Variants in LEKR1 observed in about 807,000 individuals in gnomAD.
LEKR1 encodes protein LEKR1.
LEKR1 carries 59 observed loss-of-function variants against 72.4 expected under a neutral mutation model. The ratio of observed to expected loss-of-function variants is 0.82; its 90% confidence interval spans 0.66 to 1.01. The LOEUF (loss-of-function observed/expected upper bound fraction) is 1.01, where lower values mean the gene tolerates loss of function less well. Among genes scored for constraint, LEKR1 ranks in the 50% least tolerant of loss-of-function variants. LEKR1 has a pLI of 0.00. For missense variants in LEKR1, 728 were observed against 759.2 expected (o/e 0.96, Z 0.48); for synonymous variants, 257 against 263.2 (o/e 0.98, Z 0.23).
At chr3:157,030,791 A>G (rs1734549345) in intron 12 of LEKR1, among the ~76,000 whole-genome samples, 1 of 152,134 alleles carries the variant, frequency 6.6e-6, no homozygotes, top group South Asian at 2.1e-4. Context: ...ATTGGCTTTC[A>G]GGCTTACTTA....
chr3:157,044,507 T>G (rs1205245842), intron 12 of LEKR1, among the ~76,000 whole-genome samples: 1 of 152,246 alleles, frequency 6.6e-6, no homozygotes, highest in African/African-American at 2.4e-5. Context: ...TCAAGTGAGA[T>G]TCAACCCTTG....
At chr3:156,970,171 A>G (rs948756512) in intron 6 of LEKR1, among the ~76,000 whole-genome samples, 2 of 152,220 alleles carry the variant, frequency 1.3e-5, no homozygotes, top group Non-Finnish European at 2.9e-5. Context: ...TATCATGCTG[A>G]ATGGGCAAAA....
chr3:156,835,862 A>ATT, intron 2 of LEKR1, among the ~76,000 whole-genome samples: 1 of 42,174 alleles, frequency 2.4e-5, no homozygotes, highest in Non-Finnish European at 5.0e-5. Flanking sequence ...GCTCTGTCTC[A>ATT]CTTTTTTTTT....
intron 10 of LEKR1, among the ~76,000 whole-genome samples, chr3:157,020,613 A>AT (rs1283006824): frequency 2.2e-4 from 33 of 151,220 alleles, no homozygotes; most frequent in Non-Finnish European, 3.1e-4. Flanking sequence ...TGAACTCATC[A>AT]TTTTTTATGG....
intron 10 of LEKR1, among the ~76,000 whole-genome samples, chr3:157,018,662 G>A (rs182701089): frequency 2.7e-4 from 41 of 152,116 alleles, no homozygotes; most frequent in South Asian, 6.2e-4. Flanking sequence ...AGAGTTCACC[G>A]GCAACACCTG....
intron 3 of LEKR1, among the ~76,000 whole-genome samples, chr3:156,900,314 C>T (rs534430487): frequency 6.6e-6 from 1 of 152,244 alleles, no homozygotes; most frequent in Admixed American, 6.5e-5. Context: ...ACAGATAAAA[C>T]ATGTTCAAAG....
At chr3:156,996,972 G>A (rs567266246) in intron 9 of LEKR1, among the ~76,000 whole-genome samples, 13 of 152,056 alleles carry the variant, frequency 8.5e-5, no homozygotes, top group Non-Finnish European at 4.4e-5. Context: ...GGCTGAGGCA[G>A]GAGAATCGTC....
chr3:156,901,747 C>T (rs969623247), intron 3 of LEKR1, among the ~76,000 whole-genome samples: 16 of 152,166 alleles, frequency 1.1e-4, no homozygotes, highest in Non-Finnish European at 1.9e-4. Flanking sequence ...AGTGCAGTGA[C>T]GTGGTCTCAG....
intron 6 of LEKR1, among the ~76,000 whole-genome samples, chr3:156,967,985 A>G (rs1728788206): frequency 6.6e-6 from 1 of 152,186 alleles, no homozygotes; most frequent in Non-Finnish European, 1.5e-5. Context: ...ATTCTTAAAG[A>G]AAAGAATTTT....
chr3:156,878,891 C>T (rs993653685), intron 3 of LEKR1, among the ~76,000 whole-genome samples: 1 of 152,174 alleles, frequency 6.6e-6, no homozygotes, highest in African/African-American at 2.4e-5. Context: ...AACCCTTTCA[C>T]TTGGCTCTCA....
intron 6 of LEKR1, among the ~76,000 whole-genome samples, chr3:156,974,126 C>A (rs1729489688): frequency 6.6e-6 from 1 of 152,038 alleles, no homozygotes; most frequent in African/African-American, 2.4e-5. Flanking sequence ...AACCTAGGTT[C>A]TATCACTATG....
At chr3:156,849,145 C>T (rs1265298009) in intron 2 of LEKR1, among the ~76,000 whole-genome samples, 3 of 152,100 alleles carry the variant, frequency 2.0e-5, no homozygotes, top group African/African-American at 4.8e-5. Context: ...CATGAGTGAA[C>T]TCCCATTCAC....
In LEKR1 at chr3:156,977,842, C is replaced by T. The variant is rs532212815; in HGVS notation, c.746-1352C>T. On this transcript the variant is annotated intron_variant, in intron 6 of 12. Coordinates refer to ENST00000356539, the MANE Select transcript of LEKR1 (RefSeq NM_001004316.3). The stretch of plus-strand genomic sequence containing the variant: ...TAGTCTGAATGCCTTTGTCTCCCAC[C>T]TCAACATGACTCCCTACTCACCTGG... The T allele has an allele frequency of 3.8e-5, 8 of 208,456 alleles. No individual in the cohort carries two copies. The East Asian group carries it at 9.3e-4, about 24-fold the overall frequency. The allele number at this position is 208,456 out of a possible 1,614,324, so 12.9% of individuals were successfully genotyped here. A position where few individuals can be genotyped will look rare whatever the true frequency, so the allele number is the denominator to read the frequency against.
At chr3:156,996,083 A>G (rs1415194742) in intron 9 of LEKR1, among the ~76,000 whole-genome samples, 2 of 152,086 alleles carry the variant, frequency 1.3e-5, no homozygotes, top group Non-Finnish European at 2.9e-5. Context: ...TTTGTTGGGC[A>G]TTTATTATAT....
At chr3:156,835,662 G>A (rs543137842) in intron 2 of LEKR1, among the ~76,000 whole-genome samples, 3 of 152,198 alleles carry the variant, frequency 2.0e-5, no homozygotes, top group African/African-American at 7.2e-5. Context: ...AAAGAACCAA[G>A]TATCACCCTG....
intron 9 of LEKR1, 96 bp from the exon 10 acceptor site, chr3:157,011,317 T>C (rs1019490461): frequency 1.8e-5 from 14 of 787,224 alleles, no homozygotes; most frequent in Non-Finnish European, 3.1e-5. Flanking sequence ...ATAAACAGAC[T>C]AAGTTTTGAA....
chr3:156,929,479 C>T (rs1464557327), intron 5 of LEKR1, among the ~76,000 whole-genome samples: 1 of 152,078 alleles, frequency 6.6e-6, no homozygotes, highest in Non-Finnish European at 1.5e-5. Context: ...TCCATGAAGT[C>T]AGAATGAGAC....
rs73873762 is a variant in LEKR1 at position 156,995,245 on chromosome 3, A to G, written c.1109+1968A>G. On this transcript the variant is annotated intron_variant, in intron 9 of 12. Transcript: ENST00000356539. ...AATATATATATAGCTTTCTTGGGGA[A>G]TTGCTTTGAAATAGCATTCACTTGG... Among the ~76,000 whole-genome samples, 1,084 of 152,292 alleles carry G rather than the reference A, an allele frequency of 7.1e-3. 21 individuals carry two copies. Among genetic ancestry groups the G allele is most frequent in the African/African-American group, 0.025 (1,040 of 41,558 alleles).
chr3:156,938,833 A>C (rs1169512465), intron 5 of LEKR1, among the ~76,000 whole-genome samples: 1 of 152,192 alleles, frequency 6.6e-6, no homozygotes. Flanking sequence ...AAGGTTATAG[A>C]GGTTTCCTAA....
Sources: gnomAD v4.1 joint callset for allele counts (sites outside exome capture counted in the v4.1 genomes callset) on GRCh38, gnomAD v4.1.1 for gene constraint, MANE v1.5 for transcripts, NCBI Gene and HGNC (gene_info 2026-07-23, HGNC 2026-07-21) for gene names.